The following RAB3GAP1 variants were observed in gnomAD, a reference collection of about 807,000 sequenced individuals.
RAB3GAP1 encodes RAB3 GTPase activating protein catalytic subunit 1, also known as rab3 GTPase-activating protein catalytic subunit.
A neutral mutation model predicts 130.7 loss-of-function variants in RAB3GAP1; 86 were observed. The ratio of observed to expected loss-of-function variants is 0.66; its 90% CI spans 0.55 to 0.79. The LOEUF is 0.79. Ranked by LOEUF, RAB3GAP1 falls within the 30% of genes least tolerant of loss-of-function variation. The probability of loss-of-function intolerance (pLI) is 0.00; values close to 1 mark genes in which losing one functional copy is unlikely to be tolerated. For missense variants in RAB3GAP1, 1,029 were observed against 1,169.4 expected, an observed-to-expected ratio of 0.88 and a Z score of 1.75; for synonymous variants, 367 against 401.7, an observed-to-expected ratio of 0.91 and a Z score of 1.03.
intron 4 of RAB3GAP1, among the ~76,000 whole-genome samples, chr2:135,092,619 G>A (rs1044646085): frequency 3.3e-5 from 5 of 152,092 alleles, no homozygotes; most frequent in Non-Finnish European, 7.4e-5. Context: ...TGTATTTTTA[G>A]TAGAGACAGG....
chr2:135,096,707 C>T (rs1345046529), intron 5 of RAB3GAP1, among the ~76,000 whole-genome samples: 2 of 152,138 alleles, frequency 1.3e-5, no homozygotes, highest in East Asian at 1.9e-4. Flanking sequence ...AACTCAGGTA[C>T]TTAGTATCTC....
chr2:135,092,967 A>G (rs1307067346), intron 4 of RAB3GAP1, among the ~76,000 whole-genome samples: 2 of 152,204 alleles, frequency 1.3e-5, no homozygotes, highest in Admixed American at 1.3e-4. Flanking sequence ...TTGGTCTGAA[A>G]AGCACCAAAT....
At chr2:135,168,233 C>A (rs974793652) in intron 23 of RAB3GAP1, among the ~76,000 whole-genome samples, 1 of 152,174 alleles carries the variant, frequency 6.6e-6, no homozygotes, top group Non-Finnish European at 1.5e-5. Flanking sequence ...CTGGAAGAAA[C>A]ATAGAAAGCA....
chr2:135,078,737 C>T (rs1351677872), intron 3 of RAB3GAP1, among the ~76,000 whole-genome samples: 1 of 138,130 alleles, frequency 7.2e-6, no homozygotes, highest in African/African-American at 2.7e-5. Context: ...CAGAGTGTTG[C>T]TGTGTTGCCC....
chr2:135,077,268 T>TCAACAA (rs111433011), intron 3 of RAB3GAP1, among the ~76,000 whole-genome samples: 54 of 151,476 alleles, frequency 3.6e-4, no homozygotes, highest in East Asian at 3.1e-3. Context: ...AGACTCCATC[T>TCAACAA]CAACAACAAC....
chr2:135,149,507 T>C (rs1692105058), intron 17 of RAB3GAP1, among the ~76,000 whole-genome samples: 1 of 152,350 alleles, frequency 6.6e-6, no homozygotes, highest in East Asian at 1.9e-4. Flanking sequence ...TTAACCATTA[T>C]ACAATACTAC....
intron 14 of RAB3GAP1, 42 bp downstream of exon 14, chr2:135,133,026 A>G: frequency 8.7e-7 from 1 of 1,153,638 alleles, no homozygotes; most frequent in East Asian, 2.3e-5. Context: ...TTTTAAATGC[A>G]CTGAATTTCT....
intron 3 of RAB3GAP1, among the ~76,000 whole-genome samples, chr2:135,086,179 A>G (rs1380264523): frequency 1.3e-5 from 2 of 152,208 alleles, no homozygotes; most frequent in African/African-American, 4.8e-5. Context: ...ATTATTATCA[A>G]AGCTTCTCTA....
At chr2:135,160,658 GAGAA>G (rs1282045099) in intron 19 of RAB3GAP1, among the ~76,000 whole-genome samples, 1 of 94,710 alleles carries the variant, frequency 1.1e-5, no homozygotes, top group Non-Finnish European at 1.9e-5. Flanking sequence ...TGGGCCAACA[GAGAA>G]AGACCCTGTC....
At chr2:135,127,608 C>A (rs1332504067) in intron 11 of RAB3GAP1, among the ~76,000 whole-genome samples, 2 of 152,106 alleles carry the variant, frequency 1.3e-5, no homozygotes, top group Admixed American at 1.3e-4. Flanking sequence ...TCCCAAGGTG[C>A]TGGGATTACA....
At chr2:135,156,461 A>G (rs992277794) in intron 19 of RAB3GAP1, among the ~76,000 whole-genome samples, 1 of 152,190 alleles carries the variant, frequency 6.6e-6, no homozygotes. Flanking sequence ...ATATCATTTT[A>G]AGAAAACAAT....
chr2:135,155,492 G>T (rs1229865719), intron 19 of RAB3GAP1, among the ~76,000 whole-genome samples: 1 of 152,100 alleles, frequency 6.6e-6, no homozygotes, highest in African/African-American at 2.4e-5. Context: ...AAGAGGATAC[G>T]TTTTGAGAAG....
chr2:135,117,708 T>C (rs1691058020), intron 7 of RAB3GAP1, among the ~76,000 whole-genome samples: 1 of 137,414 alleles, frequency 7.3e-6, no homozygotes, highest in Non-Finnish European at 1.6e-5. Context: ...TTCTTCTGCT[T>C]CTGCTTCTTC....
Position 135,150,450 on chromosome 2 carries a change from C to G in RAB3GAP1, c.2005C>G (p.His669Asp). Reference sequence around the variant, plus strand: ...ATTAGGTACATCGGCAGAGGGGGCTCACCTTCGAGCACGCATGCAGAGTGC... The same window carrying G: ...ATTAGGTACATCGGCAGAGGGGGCTGACCTTCGAGCACGCATGCAGAGTGC... ...AKLGTSAEGA[H>D]LRARMQSACL... is the part of the protein sequence containing the mutation. Residue 669 changes from histidine (H) to aspartate (D), a missense_variant, in exon 18 of 24, where the codon CAC (histidine) becomes GAC (aspartate). Physicochemically the swap from His to Asp is moderately conservative, Grantham distance 81 (BLOSUM62 -1). This residue lies in a region of RAB3GAP1 where 373 missense variants were observed against 493.6 expected (regional missense o/e 0.76). Coordinates refer to ENST00000264158, the MANE Select transcript of RAB3GAP1 (RefSeq NM_012233.3). The G allele has an allele frequency of 6.2e-7, 1 of 1,614,164 alleles. No homozygotes were observed. Among genetic ancestry groups the G allele is most frequent in the Non-Finnish European group, 8.5e-7 (1 of 1,180,032 alleles).
chr2:135,168,558 C>T lies in RAB3GAP1; in HGVS notation c.2723C>T (p.Thr908Ile). 2 of 1,613,614 alleles carry T rather than the reference C, an allele frequency of 1.2e-6. No homozygotes were observed. The highest frequency in any genetic ancestry group is 1.7e-6 in the Non-Finnish European group (2 of 1,179,504). The stretch of plus-strand genomic sequence containing the variant: ...ATTCTTTTCCAGGCTGCAGCTATGA[C>T]TCCACCAGAGGAGGAATTGAAGAGA... ...FVNAQRAAAM[T>I]PPEEELKRMG... The change falls in exon 24 of 24, where the codon ACT becomes ATT. Residue 908 changes from threonine (T) to isoleucine (I), a missense_variant. This residue lies in a region of RAB3GAP1 where 146 missense variants were observed against 143.7 expected (regional missense o/e 1.02). Transcript: ENST00000264158.
At chr2:135,092,435 T>G (rs372575111) in intron 4 of RAB3GAP1, among the ~76,000 whole-genome samples, 29 of 152,290 alleles carry the variant, frequency 1.9e-4, no homozygotes, top group East Asian at 1.5e-3. Context: ...GTGAATTATT[T>G]TTTTGTTTGT....
chr2:135,078,909 C>T (rs1020975140), intron 3 of RAB3GAP1, among the ~76,000 whole-genome samples: 4 of 152,006 alleles, frequency 2.6e-5, no homozygotes, highest in Admixed American at 2.6e-4. Context: ...GCTCTGTCGC[C>T]CAGGCTGGAG....
intron 5 of RAB3GAP1, among the ~76,000 whole-genome samples, chr2:135,103,093 G>C (rs933579593): frequency 7.3e-6 from 1 of 136,324 alleles, no homozygotes; most frequent in East Asian, 2.2e-4. Context: ...CTGGAGTGCA[G>C]TGGCGAAATC....
intron 3 of RAB3GAP1, among the ~76,000 whole-genome samples, chr2:135,084,201 CTCCAT>C (rs1486342060): frequency 1.3e-5 from 2 of 152,174 alleles, no homozygotes; most frequent in Non-Finnish European, 2.9e-5. Context: ...GCCGAGATCA[CTCCAT>C]TGCACTCCAG....
Sources: allele counts gnomAD v4.1 joint callset (sites outside exome capture counted in the v4.1 genomes callset), GRCh38; gene constraint gnomAD v4.1.1; regional missense constraint gnomAD v4.1.1; transcripts MANE v1.5; gene names NCBI Gene and HGNC (gene_info 2026-07-23, HGNC 2026-07-21).